PTPRM: variants seen among roughly 807,000 people sequenced by gnomAD.
PTPRM encodes protein tyrosine phosphatase receptor type M.
PTPRM carries 47 observed loss-of-function variants against 186.7 expected under a neutral mutation model. That is an observed-to-expected ratio of 0.25 (90% CI 0.20 to 0.32). PTPRM has a LOEUF of 0.32. PTPRM is among the 10% of genes least tolerant of loss of function. The probability of loss-of-function intolerance (pLI) is 1.00; values close to 1 mark genes in which losing one functional copy is unlikely to be tolerated. For missense variants in PTPRM, 1,494 were observed against 1,865.0 expected, an observed-to-expected ratio of 0.80 and a Z score of 3.66; for synonymous variants, 668 against 674.9, an observed-to-expected ratio of 0.99 and a Z score of 0.16.
chr18:7,632,857 A>C (rs2038224377), intron 1 of PTPRM, among the ~76,000 whole-genome samples: 1 of 152,216 alleles, frequency 6.6e-6, no homozygotes, highest in Non-Finnish European at 1.5e-5. Context: ...AAAAAAATTC[A>C]GCAATTGCCT....
chr18:8,179,541 C>T (rs992754457), intron 14 of PTPRM, among the ~76,000 whole-genome samples: 1 of 150,952 alleles, frequency 6.6e-6, no homozygotes, highest in Non-Finnish European at 1.5e-5. Flanking sequence ...GCAATCTCAG[C>T]TCACTGCAAC....
intron 4 of PTPRM, among the ~76,000 whole-genome samples, chr18:7,912,822 C>A (rs183127521): frequency 1.5e-3 from 225 of 152,078 alleles, no homozygotes; most frequent in African/African-American, 5.1e-3. Context: ...CCCAGCCAAT[C>A]CCTTGTACTT....
rs562129360 is a variant in PTPRM at position 7,668,663 on chromosome 18, C to G, written c.73+100772C>G. ...CAGCTGCCTCCTGCCAGTGGGGCCT[C>G]TGCTGCCTCAGCTCCCTCCCTGGAG... On this transcript the variant is annotated intron_variant, in intron 1 of 32. Transcript: ENST00000580170. The surrounding 1 kb of genome is among the most constrained non-coding windows in gnomAD (Gnocchi z 4.7). Among the ~76,000 whole-genome samples the G allele has an allele frequency of 6.6e-6, 1 of 152,242 alleles. No individual in the cohort carries two copies. The highest frequency in any genetic ancestry group is 1.5e-5 in the Non-Finnish European group (1 of 68,028).
intron 2 of PTPRM, among the ~76,000 whole-genome samples, chr18:7,823,022 A>G (rs2045286926): frequency 6.6e-6 from 1 of 152,112 alleles, no homozygotes; most frequent in Admixed American, 6.6e-5. Flanking sequence ...GCACTCAGAA[A>G]TGTGTCTAGA....
At chr18:7,966,172 G>A (rs1029465339) in intron 7 of PTPRM, among the ~76,000 whole-genome samples, 6 of 151,938 alleles carry the variant, frequency 3.9e-5, no homozygotes, top group African/African-American at 9.7e-5. Flanking sequence ...AATGAATAAC[G>A]CATATAAATG....
chr18:7,924,980 A>G (rs1326431440), intron 4 of PTPRM, among the ~76,000 whole-genome samples: 1 of 152,172 alleles, frequency 6.6e-6, no homozygotes, highest in Non-Finnish European at 1.5e-5. Flanking sequence ...AAGTACCCAT[A>G]AGTGTTCCCC....
chr18:7,826,471 G>T (rs567341658), intron 2 of PTPRM, among the ~76,000 whole-genome samples: 1 of 152,146 alleles, frequency 6.6e-6, no homozygotes, highest in South Asian at 2.1e-4. Context: ...GTCAAGCATT[G>T]TTAAATTTGA....
chr18:7,629,156 G>A (rs969366099), intron 1 of PTPRM, among the ~76,000 whole-genome samples: 1 of 152,166 alleles, frequency 6.6e-6, no homozygotes. Flanking sequence ...TCATATGAGG[G>A]CAATTGTAAG....
chr18:7,625,778 G>A (rs182863948), intron 1 of PTPRM, among the ~76,000 whole-genome samples: 1 of 152,184 alleles, frequency 6.6e-6, no homozygotes, highest in Non-Finnish European at 1.5e-5. Context: ...CAGGTGATCC[G>A]CCCGCCTCGG....
At chr18:7,676,600 G>T (rs2039341638) in intron 1 of PTPRM, among the ~76,000 whole-genome samples, 1 of 151,616 alleles carries the variant, frequency 6.6e-6, no homozygotes, top group African/African-American at 2.4e-5. Flanking sequence ...CACCAGGGCA[G>T]GTTTTCTGTC....
chr18:7,686,339 C>T (rs961945732), intron 1 of PTPRM, among the ~76,000 whole-genome samples: 1 of 152,138 alleles, frequency 6.6e-6, no homozygotes, highest in Non-Finnish European at 1.5e-5. Context: ...AATGCTTTCT[C>T]AAAAACTACT....
intron 17 of PTPRM, among the ~76,000 whole-genome samples, chr18:8,250,144 A>C (rs1399128646): frequency 6.6e-6 from 1 of 152,056 alleles, no homozygotes; most frequent in Non-Finnish European, 1.5e-5. Flanking sequence ...CTTCAGCTCC[A>C]CCTCTCTCAT....
intron 1 of PTPRM, among the ~76,000 whole-genome samples, chr18:7,645,842 C>T (rs1245457754): frequency 1.3e-5 from 2 of 152,170 alleles, no homozygotes; most frequent in African/African-American, 4.8e-5. Flanking sequence ...TTGCAAGGAT[C>T]TTAGAATCCA....
intron 1 of PTPRM, among the ~76,000 whole-genome samples, chr18:7,582,564 C>T (rs1056670601): frequency 3.9e-5 from 6 of 152,208 alleles, no homozygotes; most frequent in East Asian, 1.9e-4. Context: ...GTAAAGAGTA[C>T]GGATACAAAA....
At chr18:8,289,579 T>TATATATAC (rs1161752993) in intron 19 of PTPRM, among the ~76,000 whole-genome samples, 1 of 103,836 alleles carries the variant, frequency 9.6e-6, no homozygotes, top group African/African-American at 4.1e-5. Flanking sequence ...TATATATACA[T>TATATATAC]ATATATATAC....
chr18:8,070,727 T>C (rs1018289707), intron 8 of PTPRM, among the ~76,000 whole-genome samples: 2 of 152,214 alleles, frequency 1.3e-5, no homozygotes, highest in Non-Finnish European at 2.9e-5. Context: ...CATATTCATA[T>C]AGTACATAAA....
intron 1 of PTPRM, among the ~76,000 whole-genome samples, chr18:7,708,939 C>A (rs906142266): frequency 6.6e-6 from 1 of 152,114 alleles, no homozygotes; most frequent in Non-Finnish European, 1.5e-5. Flanking sequence ...CAGGTTTGCT[C>A]ACTTCATGGA....
At chr18:8,089,685 G>T (rs555548661) in intron 11 of PTPRM, among the ~76,000 whole-genome samples, 1 of 152,198 alleles carries the variant, frequency 6.6e-6, no homozygotes, top group Middle Eastern at 3.4e-3. Context: ...GCATTATAGG[G>T]TTTATTTTCA....
chr18:8,082,857 A>T (rs1156751194), intron 9 of PTPRM, among the ~76,000 whole-genome samples: 1 of 151,918 alleles, frequency 6.6e-6, no homozygotes, highest in African/African-American at 2.4e-5. Flanking sequence ...CCAACTTAGT[A>T]TGTCCACCTG....
Sources: allele counts gnomAD v4.1 joint callset (sites outside exome capture counted in the v4.1 genomes callset), GRCh38; gene constraint gnomAD v4.1.1; non-coding constraint Gnocchi (gnomAD v3.1); transcripts MANE v1.5; gene names NCBI Gene and HGNC (gene_info 2026-07-23, HGNC 2026-07-21).